Variants in SLC14A2 observed in about 807,000 individuals in gnomAD.
SLC14A2 encodes the protein urea transporter 2.
A neutral mutation model predicts 104.6 loss-of-function variants in SLC14A2; 91 were observed. The observed-to-expected ratio is 0.87, with a 90% CI of 0.73 to 1.04. The LOEUF (loss-of-function observed/expected upper bound fraction) is 1.04. SLC14A2 is among the 50% of genes least tolerant of loss of function. SLC14A2 has a pLI of 0.00. For synonymous variants in SLC14A2, 476 were observed against 466.4 expected (o/e 1.02, Z -0.27); for missense variants, 1,189 against 1,156.0 (o/e 1.03, Z -0.41).
At chr18:45,512,788 T>A (rs921779008) in intron 2 of SLC14A2, among the ~76,000 whole-genome samples, 4 of 152,134 alleles carry the variant, frequency 2.6e-5, no homozygotes, top group Non-Finnish European at 4.4e-5. Context: ...GAGGATGAGA[T>A]CACAAGGCCA....
chr18:45,433,366 T>C (rs2086547421), intron 1 of SLC14A2, among the ~76,000 whole-genome samples: 1 of 152,232 alleles, frequency 6.6e-6, no homozygotes, highest in Non-Finnish European at 1.5e-5. Context: ...CTTGCCTACG[T>C]CCACTCTTCC....
rs897253860 is a variant in SLC14A2, at chr18:45,213,459, T to C, written c.-125+268T>C. On this transcript the variant is annotated intron_variant, in intron 1 of 20. Transcript: ENST00000586448. ...TGGTTATAGGGAATTGTTACTACTA[T>C]ACCTAGATTAACCCATGGTATTCAA... 2.0e-5 allele frequency among the ~76,000 whole-genome samples: 3 copies of C among 152,344 alleles called. No homozygotes were observed. The East Asian group carries it at 5.8e-4, about 29-fold the overall frequency.
At chr18:45,270,418 G>C (rs886887123) in intron 1 of SLC14A2, among the ~76,000 whole-genome samples, 1 of 152,096 alleles carries the variant, frequency 6.6e-6, no homozygotes, top group African/African-American at 2.4e-5. Flanking sequence ...ATGTTGTTGA[G>C]GTCTGCCCCA....
intron 2 of SLC14A2, among the ~76,000 whole-genome samples, chr18:45,570,988 T>C (rs1415442304): frequency 1.3e-5 from 2 of 152,204 alleles, no homozygotes; most frequent in Non-Finnish European, 2.9e-5. Context: ...GAACATTGTA[T>C]ATGAGTTGTT....
chr18:45,601,967 G>A (rs771052777), intron 2 of SLC14A2, among the ~76,000 whole-genome samples: 4 of 152,232 alleles, frequency 2.6e-5, no homozygotes, highest in African/African-American at 7.2e-5. Context: ...CCATTCTGTC[G>A]GGTGAGGGCA....
chr18:45,268,976 G>GTGTGTGTGTGTGTA (rs771261044), intron 1 of SLC14A2, among the ~76,000 whole-genome samples: 22 of 151,718 alleles, frequency 1.5e-4, no homozygotes, highest in African/African-American at 5.1e-4. Context: ...GTGTGTGTGT[G>GTGTGTGTGTGTGTA]TGTGTGTGTG....
rs2085858709 is a variant in SLC14A2 at position 45,383,349 on chromosome 18, C to A, written c.-124-99884C>A. Among the ~76,000 whole-genome samples, 3 of 152,206 alleles carry A rather than the reference C, an allele frequency of 2.0e-5. No homozygotes were observed. The South Asian group carries it at 6.2e-4, about 32-fold the overall frequency. On this transcript the variant is annotated intron_variant, in intron 1 of 20. Coordinates refer to the SLC14A2 transcript ENST00000586448. ...AGCTCCAGGTGGGAAACTTAGTGAC[C>A]CTATGGAATCTCCTTCAGCCTAAGG... is the stretch of plus-strand genomic sequence containing the variant.
At chr18:45,389,635 A>G (rs1182167693) in intron 1 of SLC14A2, among the ~76,000 whole-genome samples, 1 of 152,224 alleles carries the variant, frequency 6.6e-6, no homozygotes, top group Non-Finnish European at 1.5e-5. Context: ...TGTTCAACTA[A>G]AGAGCTAAAA....
At chr18:45,377,103 T>C (rs527757839) in intron 1 of SLC14A2, among the ~76,000 whole-genome samples, 1 of 152,202 alleles carries the variant, frequency 6.6e-6, no homozygotes, top group African/African-American at 2.4e-5. Flanking sequence ...TTTCTAAAGG[T>C]GATGAAAACA....
intron 4 of SLC14A2, among the ~76,000 whole-genome samples, chr18:45,631,386 C>T (rs569040779): frequency 1.2e-4 from 19 of 152,306 alleles, no homozygotes; most frequent in African/African-American, 1.4e-4. Flanking sequence ...GCCCCTCACC[C>T]GGCAGAGCAA....
chr18:45,211,321 T>C (rs981915286), upstream of SLC14A2, among the ~76,000 whole-genome samples: 2 of 152,206 alleles, frequency 1.3e-5, no homozygotes, highest in African/African-American at 4.8e-5. Context: ...GCTCAGTTCT[T>C]AGCACATTAT....
At chr18:45,560,780 T>G (rs773117520) in intron 2 of SLC14A2, among the ~76,000 whole-genome samples, 1 of 152,110 alleles carries the variant, frequency 6.6e-6, no homozygotes, top group Non-Finnish European at 1.5e-5. Flanking sequence ...CTCACCTCTT[T>G]CATGTCCTGG....
chr18:45,250,159 A>G (rs538711296), intron 1 of SLC14A2, among the ~76,000 whole-genome samples: 1 of 152,318 alleles, frequency 6.6e-6, no homozygotes, highest in South Asian at 2.1e-4. Flanking sequence ...AAATATGGTC[A>G]CTTTAAAGAA....
intron 2 of SLC14A2, among the ~76,000 whole-genome samples, chr18:45,582,390 A>G (rs1406408636): frequency 5.9e-5 from 9 of 152,208 alleles, no homozygotes; most frequent in Admixed American, 5.9e-4. Flanking sequence ...TAGTATTCAG[A>G]CATACCAGAG....
In SLC14A2 at chr18:45,503,746, T is replaced by TTAAAAA. The variant is rs575911061; in HGVS notation, c.-35+20429_-35+20434dup. Among the ~76,000 whole-genome samples the TTAAAAA allele has an allele frequency of 3.6e-3, 519 of 144,880 alleles. 2 individuals carry two copies. The highest frequency in any genetic ancestry group is 0.012 in the African/African-American group (485 of 39,872). On this transcript the variant is annotated intron_variant, in intron 2 of 20. Coordinates refer to the SLC14A2 transcript ENST00000586448. ...CTTCTTGCCTACCTTTGCTAATGGC[T>TTAAAAA]TAAAAATAAATCTCTCCAATACCTC...
At chr18:45,211,049 G>A (rs557465951), upstream of SLC14A2, among the ~76,000 whole-genome samples, 2 of 152,072 alleles carry the variant, frequency 1.3e-5, no homozygotes, top group Admixed American at 6.6e-5. Context: ...CCCTTTTCCC[G>A]AGTTGTGATC....
At chr18:45,541,081 A>C (rs2043876752) in intron 2 of SLC14A2, among the ~76,000 whole-genome samples, 1 of 152,184 alleles carries the variant, frequency 6.6e-6, no homozygotes, top group African/African-American at 2.4e-5. Flanking sequence ...GGGCACCATG[A>C]CAAATAGGAA....
At chr18:45,443,318 C>T (rs952237383) in intron 1 of SLC14A2, among the ~76,000 whole-genome samples, 1 of 152,124 alleles carries the variant, frequency 6.6e-6, no homozygotes, top group African/African-American at 2.4e-5. Flanking sequence ...TATTTTTATG[C>T]TTAGGTTCAG....
intron 1 of SLC14A2, among the ~76,000 whole-genome samples, chr18:45,391,095 A>G (rs1187441573): frequency 6.6e-6 from 1 of 151,770 alleles, no homozygotes; most frequent in Admixed American, 6.6e-5. Context: ...CCACCCCACA[A>G]CAGGCCCTGG....
Sources: gnomAD v4.1 joint callset for allele counts (sites outside exome capture counted in the v4.1 genomes callset) on GRCh38, gnomAD v4.1.1 for gene constraint, MANE v1.5 for transcripts, NCBI Gene and HGNC (gene_info 2026-07-23, HGNC 2026-07-21) for gene names.